Variants in CNOT4 observed in about 807,000 individuals in gnomAD.
CNOT4 encodes the protein CCR4-associated factor 4.
In CNOT4, 8 loss-of-function variants were observed where a neutral mutation model predicts 73.8. The observed-to-expected ratio is 0.11, with a 90% CI of 0.06 to 0.20. CNOT4 has a LOEUF of 0.20. Ranked by LOEUF, CNOT4 falls within the 10% of genes least tolerant of loss-of-function variation. The probability of loss-of-function intolerance (pLI) is 1.00; values close to 1 mark genes in which losing one functional copy is unlikely to be tolerated. For missense variants in CNOT4, 564 were observed against 883.4 expected, an observed-to-expected ratio of 0.64 and a Z score of 4.58; for synonymous variants, 293 against 321.1, an observed-to-expected ratio of 0.91 and a Z score of 0.94.
At chr7:135,377,020 C>G (rs923634488) in intron 10 of CNOT4, among the ~76,000 whole-genome samples, 13 of 152,116 alleles carry the variant, frequency 8.5e-5, no homozygotes, top group African/African-American at 3.1e-4. Flanking sequence ...ATAAACATTT[C>G]CAATACAACA....
intron 1 of CNOT4, among the ~76,000 whole-genome samples, chr7:135,454,569 G>A (rs1447674727): frequency 6.6e-6 from 1 of 152,028 alleles, no homozygotes; most frequent in Non-Finnish European, 1.5e-5. Context: ...AGCTACACAG[G>A]AGGGTGAGGC....
At chr7:135,447,206 A>G (rs1799886055) in intron 1 of CNOT4, among the ~76,000 whole-genome samples, 1 of 152,178 alleles carries the variant, frequency 6.6e-6, no homozygotes, top group South Asian at 2.1e-4. Flanking sequence ...CATTTCACAA[A>G]GCATGTTATT....
At position 135,455,574 on chromosome 7, in the gene CNOT4, T is replaced by TA. The variant is rs111521878; in HGVS notation, c.-92-17152dup. 2.8e-3 allele frequency among the ~76,000 whole-genome samples: 398 copies of TA among 144,366 alleles called. 1 individual carries two copies. Among genetic ancestry groups the TA allele is most frequent in the African/African-American group, 5.6e-3 (222 of 39,448 alleles). The allele number at this position is 144,366 out of a possible 152,430, so 94.7% of individuals were successfully genotyped here. A position where few individuals can be genotyped will look rare whatever the true frequency, so the allele number is the denominator to read the frequency against. ...TTCAGGAAGTTTAAGCCCACAGGTTTAAAAAAAAAAAAGACTAAGGCCAGG... is the reference window on the plus strand; with the variant it reads ...TTCAGGAAGTTTAAGCCCACAGGTTTAAAAAAAAAAAAAGACTAAGGCCAGG... On this transcript the variant is annotated intron_variant, in intron 1 of 11. Coordinates refer to ENST00000541284, the MANE Select transcript of CNOT4 (RefSeq NM_001190850.2).
At chr7:135,492,911 A>G (rs1443272627) in intron 1 of CNOT4, among the ~76,000 whole-genome samples, 2 of 152,220 alleles carry the variant, frequency 1.3e-5, no homozygotes, top group Non-Finnish European at 2.9e-5. Flanking sequence ...TGAAATTATC[A>G]AGAATTAAAA....
At chr7:135,479,707 G>C (rs1437349802) in intron 1 of CNOT4, among the ~76,000 whole-genome samples, 1 of 151,822 alleles carries the variant, frequency 6.6e-6, no homozygotes, top group East Asian at 1.9e-4. Flanking sequence ...AGATCAGCCT[G>C]GCAACATGGA....
intron 7 of CNOT4, among the ~76,000 whole-genome samples, chr7:135,405,440 A>C (rs1211799715): frequency 6.6e-6 from 1 of 152,134 alleles, no homozygotes. Flanking sequence ...TTCCTTTCAC[A>C]GTTGGTACTT....
intron 1 of CNOT4, among the ~76,000 whole-genome samples, chr7:135,441,310 A>G (rs1237114561): frequency 6.6e-6 from 1 of 152,122 alleles, no homozygotes; most frequent in Non-Finnish European, 1.5e-5. Context: ...TTTCCTTTAG[A>G]AAAATTAAAT....
intron 1 of CNOT4, among the ~76,000 whole-genome samples, chr7:135,505,859 T>A (rs1397070295): frequency 6.6e-6 from 1 of 152,154 alleles, no homozygotes; most frequent in Non-Finnish European, 1.5e-5. Flanking sequence ...TAGATTCTAT[T>A]ATAGTAGAAA....
chr7:135,480,517 T>C (rs1190380437), intron 1 of CNOT4, among the ~76,000 whole-genome samples: 1 of 152,214 alleles, frequency 6.6e-6, no homozygotes, highest in Admixed American at 6.5e-5. Flanking sequence ...CTACCAAACT[T>C]GATCACACAG....
chr7:135,460,003 T>C (rs1222942579), intron 1 of CNOT4, among the ~76,000 whole-genome samples: 1 of 152,256 alleles, frequency 6.6e-6, no homozygotes, highest in African/African-American at 2.4e-5. Flanking sequence ...TTAAACATCA[T>C]GAGCCAATCT....
intron 10 of CNOT4, among the ~76,000 whole-genome samples, chr7:135,378,154 CA>C (rs1221664618): frequency 6.6e-6 from 1 of 152,162 alleles, no homozygotes; most frequent in Non-Finnish European, 1.5e-5. Flanking sequence ...AGTCGTTCCC[CA>C]ATCTGCTCCA....
Position 135,414,377 on chromosome 7 carries a change from G to T in CNOT4, c.515C>A (p.Ala172Asp). 6.4e-7 allele frequency: 1 copy of T among 1,559,512 alleles called. No homozygotes were observed. Among genetic ancestry groups the T allele is most frequent in the Non-Finnish European group, 8.8e-7 (1 of 1,132,480 alleles). The change falls in exon 5 of 12, where the codon GCC becomes GAC. Residue 172 changes from alanine to aspartate, a missense_variant. By Grantham distance (126) the Ala-to-Asp change is moderately radical. Coordinates refer to ENST00000541284, the MANE Select transcript of CNOT4 (RefSeq NM_001190850.2). ...TACCACATTGTTGACACACTGTATGGCTCTGAGAGCGTCTTCTGACCGGAT... is the reference window on the plus strand; with the variant it reads ...TACCACATTGTTGACACACTGTATGTCTCTGAGAGCGTCTTCTGACCGGAT... ...TYIRSEDALR[A>D]IQCVNNVVVD...
chr7:135,409,945 T>C (rs1443664747), intron 7 of CNOT4, among the ~76,000 whole-genome samples: 2 of 152,060 alleles, frequency 1.3e-5, no homozygotes, highest in African/African-American at 4.8e-5. Context: ...TATTTAAGCA[T>C]TGACACAATA....
Position 135,394,182 on chromosome 7 carries a change from G to C in CNOT4, c.1363C>G (p.His455Asp). ...TTGGCATTTGTAGCTGCAGCAGGAT[G>C]CAGGAATCCAGAGCCTGGACCTTTG... is the stretch of plus-strand genomic sequence containing the variant. ...TAKGPGSGFL[H>D]PAAATNANSL... The change falls in exon 10 of 12, where the codon CAT becomes GAT. Residue 455 changes from histidine to aspartate, a missense_variant. Physicochemically the swap from His to Asp is moderately conservative, Grantham distance 81. Around this residue, in one of 10 missense-constraint regions of CNOT4, gnomAD observed 153 missense variants for 158.7 expected, o/e 0.96. Transcript: ENST00000541284. The C allele has an allele frequency of 6.2e-7, 1 of 1,614,238 alleles. No homozygotes were observed. The highest frequency in any genetic ancestry group is 8.5e-7 in the Non-Finnish European group (1 of 1,180,024).
At chr7:135,489,805 G>C (rs1463125119) in intron 1 of CNOT4, among the ~76,000 whole-genome samples, 3 of 151,996 alleles carry the variant, frequency 2.0e-5, no homozygotes, top group Non-Finnish European at 4.4e-5. Context: ...TCTACCTTCA[G>C]ACCAAGAGAT....
intron 7 of CNOT4, among the ~76,000 whole-genome samples, chr7:135,403,832 T>G (rs991491819): frequency 6.6e-6 from 1 of 152,212 alleles, no homozygotes; most frequent in African/African-American, 2.4e-5. Flanking sequence ...CAAAATGTGG[T>G]AACCTTCAAA....
intron 1 of CNOT4, among the ~76,000 whole-genome samples, chr7:135,448,164 G>GC: frequency 6.6e-6 from 1 of 152,140 alleles, no homozygotes; most frequent in East Asian, 1.9e-4. Context: ...CTGGAAACGA[G>GC]CAGGGGGTTG....
Position 135,456,084 on chromosome 7 carries a change from G to T in CNOT4, c.-92-17661C>A, listed in dbSNP as rs534815044. 2.0e-5 allele frequency among the ~76,000 whole-genome samples: 3 copies of T among 152,284 alleles called. No individual in the cohort carries two copies. The South Asian group carries it at 6.2e-4, about 32-fold the overall frequency. On this transcript the variant is annotated intron_variant, in intron 1 of 11. Coordinates refer to ENST00000541284, the MANE Select transcript of CNOT4 (RefSeq NM_001190850.2). ...AAGGGCTAAACAGTAAATATCTTAT[G>T]CTTTACTGGCCATTCAAACATTACA...
chr7:135,435,862 G>A (rs1217022650), intron 2 of CNOT4, among the ~76,000 whole-genome samples: 5 of 152,082 alleles, frequency 3.3e-5, no homozygotes, highest in African/African-American at 1.2e-4. Context: ...TAACCTTAAG[G>A]CTCTGATTCA....
Sources: gnomAD v4.1 joint callset for allele counts (sites outside exome capture counted in the v4.1 genomes callset) on GRCh38, gnomAD v4.1.1 for gene constraint, gnomAD v4.1.1 regional missense constraint, MANE v1.5 for transcripts, NCBI Gene and HGNC (gene_info 2026-07-23, HGNC 2026-07-21) for gene names.